Variants in ARHGAP42 observed in about 807,000 individuals in gnomAD.
ARHGAP42 encodes rho GTPase-activating protein 42.
Under a neutral mutation model 125.0 loss-of-function variants are expected in ARHGAP42, and 63 were observed. The observed-to-expected ratio is 0.50, with a 90% CI of 0.41 to 0.62. ARHGAP42 has a LOEUF of 0.62. ARHGAP42 is among the 20% of genes least tolerant of loss of function. ARHGAP42 has a pLI of 0.00. For missense variants in ARHGAP42, 766 were observed against 1,024.2 expected (o/e 0.75, Z 3.44); for synonymous variants, 339 against 351.0 (o/e 0.97, Z 0.38).
intron 1 of ARHGAP42, among the ~76,000 whole-genome samples, chr11:100,689,480 A>G (rs1256472415): frequency 1.3e-5 from 2 of 152,216 alleles, no homozygotes; most frequent in Admixed American, 6.5e-5. Flanking sequence ...CAAAATACTT[A>G]CATACCTGTG....
At chr11:100,954,126 A>G (rs562402079) in intron 12 of ARHGAP42, among the ~76,000 whole-genome samples, 5 of 152,182 alleles carry the variant, frequency 3.3e-5, no homozygotes, top group South Asian at 2.1e-4. Flanking sequence ...GACATTCTCA[A>G]TTGGTGCCCT....
At chr11:100,853,020 G>T (rs1565242571) in intron 3 of ARHGAP42, among the ~76,000 whole-genome samples, 1 of 152,098 alleles carries the variant, frequency 6.6e-6, no homozygotes, top group Non-Finnish European at 1.5e-5. Flanking sequence ...TGAGAATACA[G>T]GTTCTGAATG....
chr11:100,864,226 C>A (rs184093952), intron 4 of ARHGAP42, among the ~76,000 whole-genome samples: 262 of 151,726 alleles, frequency 1.7e-3, no homozygotes, highest in African/African-American at 6.0e-3. Context: ...ACTCTGTCAC[C>A]CAGGCTGGAG....
In ARHGAP42 at chr11:100,795,083, ATTTTTTT is replaced by A; in HGVS notation, c.251-21_251-15del. 1 of 1,519,380 alleles carries A rather than the reference ATTTTTTT, an allele frequency of 6.6e-7. No homozygotes were observed. The allele number at this position is 1,519,380 out of a possible 1,614,324, so 94.1% of individuals were successfully genotyped here. On this transcript the variant is annotated splice_polypyrimidine_tract_variant and intron_variant, in intron 2 of 23. Coordinates refer to ENST00000298815, the MANE Select transcript of ARHGAP42 (RefSeq NM_152432.4). ...AGCTATGAAAATATTAATTCTTTGC[ATTTTTTT>A]ATCTTTCCAAACAGCTCAGTCACTA...
chr11:100,973,204 T>G lies in ARHGAP42; in HGVS notation c.1580T>G (p.Met527Arg). The stretch of plus-strand genomic sequence containing the variant: ...TCACTACACAGCCAACAAAATCTCA[T>G]GACTGTCTCAAATCTTGGTGTCATA... ...KVSLHSQQNLMTVSNLGVIFG... is the reference protein window; with the variant it reads ...KVSLHSQQNLRTVSNLGVIFG... The change falls in exon 18 of 24, where the codon ATG becomes AGG. Residue 527 changes from methionine (M) to arginine (R), a missense_variant. This residue lies in a region of ARHGAP42 where 455 missense variants were observed against 636.5 expected (regional missense o/e 0.71). Transcript: ENST00000298815. 3 of 1,550,626 alleles carry G rather than the reference T, an allele frequency of 1.9e-6. No homozygotes were observed. Among genetic ancestry groups the G allele is most frequent in the Non-Finnish European group, 2.6e-6 (3 of 1,146,448 alleles).
At chr11:100,970,946 G>A (rs1157384614) in intron 17 of ARHGAP42, among the ~76,000 whole-genome samples, 7 of 152,174 alleles carry the variant, frequency 4.6e-5, no homozygotes, top group African/African-American at 1.7e-4. Context: ...CCCAGAGATA[G>A]AGGGCCTGAG....
chr11:100,767,955 G>A (rs1862870015), intron 1 of ARHGAP42, among the ~76,000 whole-genome samples: 1 of 152,170 alleles, frequency 6.6e-6, no homozygotes, highest in African/African-American at 2.4e-5. Flanking sequence ...TGGTGAGTGT[G>A]TTGGTAGGTC....
chr11:100,947,047 C>T (rs1418140817), intron 10 of ARHGAP42, among the ~76,000 whole-genome samples: 1 of 151,822 alleles, frequency 6.6e-6, no homozygotes, highest in Non-Finnish European at 1.5e-5. Flanking sequence ...TTTTAAGATC[C>T]ACTTACTAAG....
intron 3 of ARHGAP42, among the ~76,000 whole-genome samples, chr11:100,806,343 T>C (rs749032537): frequency 6.6e-6 from 1 of 152,252 alleles, no homozygotes; most frequent in Non-Finnish European, 1.5e-5. Flanking sequence ...TTTGCGGATA[T>C]GCCCTCGATA....
intron 4 of ARHGAP42, among the ~76,000 whole-genome samples, chr11:100,884,777 G>C (rs12366064): frequency 0.17 from 25,102 of 152,034 alleles, 2,399 homozygotes; most frequent in Middle Eastern, 0.34. Flanking sequence ...TCGTATTTCA[G>C]AATATTTTCA....
chr11:100,984,172 A>G (rs2135332469), intron 22 of ARHGAP42, among the ~76,000 whole-genome samples: 1 of 152,058 alleles, frequency 6.6e-6, no homozygotes, highest in Admixed American at 6.5e-5. Context: ...CCAAAGGAAC[A>G]AATGCAGTGC....
In ARHGAP42 at chr11:100,989,253, T is replaced by C. The variant is rs1858768697; in HGVS notation, c.*452T>C. ...TTGTTCATTTATTGTTTTTTTTTTC[T>C]TAGAAATATACTGCTTTTATATATG... is the stretch of plus-strand genomic sequence containing the variant. On this transcript the variant is annotated 3_prime_UTR_variant, in exon 24 of 24. Coordinates refer to ENST00000298815, the MANE Select transcript of ARHGAP42 (RefSeq NM_152432.4). 5.0e-6 allele frequency: 2 copies of C among 396,864 alleles called. No homozygotes were observed. Among genetic ancestry groups the C allele is most frequent in the Non-Finnish European group, 8.9e-6 (2 of 225,130 alleles). The allele number at this position is 396,864 out of a possible 1,614,324, so 24.6% of individuals were successfully genotyped here.
At chr11:100,704,770 G>A (rs1471248772) in intron 1 of ARHGAP42, among the ~76,000 whole-genome samples, 3 of 151,810 alleles carry the variant, frequency 2.0e-5, no homozygotes, top group South Asian at 4.2e-4. Flanking sequence ...ACCAGCCTGG[G>A]CAAAGCAAGA....
chr11:100,909,528 A>G (rs1866851960), intron 4 of ARHGAP42, among the ~76,000 whole-genome samples: 1 of 151,634 alleles, frequency 6.6e-6, no homozygotes, highest in South Asian at 2.1e-4. Context: ...GTTTTTATTA[A>G]AGGCAGGGTT....
chr11:100,827,917 T>C (rs915116443), intron 3 of ARHGAP42, among the ~76,000 whole-genome samples: 11 of 152,148 alleles, frequency 7.2e-5, no homozygotes, highest in Non-Finnish European at 1.0e-4. Flanking sequence ...TTACAAAACA[T>C]AGGTTCTCTC....
intron 1 of ARHGAP42, among the ~76,000 whole-genome samples, chr11:100,767,499 C>T (rs1225051161): frequency 6.6e-6 from 1 of 152,080 alleles, no homozygotes; most frequent in African/African-American, 2.4e-5. Flanking sequence ...TGTGCAGGGA[C>T]AAAACAGATT....
chr11:100,816,377 G>A (rs1471690782), intron 3 of ARHGAP42, among the ~76,000 whole-genome samples: 3 of 151,684 alleles, frequency 2.0e-5, no homozygotes, highest in South Asian at 4.2e-4. Flanking sequence ...GTTTAATTTT[G>A]CTCTTAGACA....
intron 3 of ARHGAP42, among the ~76,000 whole-genome samples, chr11:100,850,986 A>G (rs1865192038): frequency 1.4e-5 from 2 of 144,388 alleles, no homozygotes; most frequent in African/African-American, 2.6e-5. Flanking sequence ...GGTTCAAATG[A>G]TTCTTATGCC....
rs78760490 is a variant in ARHGAP42, at chr11:100,911,130, A to G, written c.385-2322A>G. ...AAAGGGAGTCAGTTTTCTGTACTAT[A>G]CTGTAACCCGGCTGGTTGCTCACTT... On this transcript the variant is annotated intron_variant, in intron 4 of 23. Transcript: ENST00000298815. 1.0e-3 allele frequency among the ~76,000 whole-genome samples: 152 copies of G among 152,282 alleles called. 2 individuals are homozygous for G. The East Asian group carries it at 0.026, about 26-fold the overall frequency.
Sources: gnomAD v4.1 joint callset for allele counts (sites outside exome capture counted in the v4.1 genomes callset) on GRCh38, gnomAD v4.1.1 for gene constraint, gnomAD v4.1.1 regional missense constraint, MANE v1.5 for transcripts, NCBI Gene and HGNC (gene_info 2026-07-23, HGNC 2026-07-21) for gene names.